VPS9D1: variants seen among roughly 807,000 people sequenced by gnomAD.
VPS9D1 encodes VPS9 domain containing 1, also known as VPS9 domain-containing protein 1.
Under a neutral mutation model 75.8 loss-of-function variants are expected in VPS9D1, and 78 were observed. That is an observed-to-expected ratio of 1.03 (90% CI 0.86 to 1.24). The LOEUF (loss-of-function observed/expected upper bound fraction) is 1.24, where lower values mean the gene tolerates loss of function less well. VPS9D1 is among the 50% of genes most tolerant of loss of function. VPS9D1 has a pLI of 0.00. For missense variants in VPS9D1, 1,057 were observed against 847.7 expected, an observed-to-expected ratio of 1.25 and a Z score of -3.07; for synonymous variants, 481 against 385.6, an observed-to-expected ratio of 1.25 and a Z score of -2.90.
chr16:89,709,654 GGAGCAAACAC>G (rs2060870070), intron 11 of VPS9D1, 113 bp downstream of exon 11: 8 of 1,502,274 alleles, frequency 5.3e-6, no homozygotes, highest in Non-Finnish European at 4.5e-6. Flanking sequence ...CAGGCTAGGG[GGAGCAAACAC>G]GAGTCTTGGG....
intron 4 of VPS9D1, among the ~76,000 whole-genome samples, chr16:89,716,045 C>G (rs2061057999): frequency 1.3e-5 from 2 of 151,976 alleles, no homozygotes; most frequent in Admixed American, 6.5e-5. Context: ...CGCTGTCAGG[C>G]CAGGCGCAGT....
At chr16:89,712,791 T>A (rs1052422294) in intron 4 of VPS9D1, 75 bp from the exon 5 acceptor site, 5 of 1,304,724 alleles carry the variant, frequency 3.8e-6, no homozygotes, top group Non-Finnish European at 5.1e-6. Flanking sequence ...GTCTCTCTCA[T>A]CCTCCCGGAT....
chr16:89,709,328 G>C lies in VPS9D1; in HGVS notation c.1496C>G (p.Pro499Arg). 2 of 1,599,398 alleles carry C rather than the reference G, an allele frequency of 1.3e-6. No homozygotes were observed. The highest frequency in any genetic ancestry group is 2.2e-5 in the East Asian group (1 of 44,802). The change falls in exon 12 of 15, where the codon CCT (proline) becomes CGT (arginine). Residue 499 changes from proline (P) to arginine (R), a missense_variant. Physicochemically the swap from Pro to Arg is moderately radical, Grantham distance 103. Coordinates refer to ENST00000389386, the MANE Select transcript of VPS9D1 (RefSeq NM_004913.3). ...GIPTKLLPQN[P>R]EAKGATGYPY... ...GTAGCCAGTGGCCCCCTTGGCCTCAGGGTTCTGGGGGAGGAGCTTGGTGGG... is the reference window on the plus strand; with the variant it reads ...GTAGCCAGTGGCCCCCTTGGCCTCACGGTTCTGGGGGAGGAGCTTGGTGGG...
intron 4 of VPS9D1, among the ~76,000 whole-genome samples, chr16:89,714,533 G>C (rs1243916915): frequency 6.6e-6 from 1 of 152,200 alleles, no homozygotes; most frequent in Admixed American, 6.5e-5. Flanking sequence ...CCTGACGCCT[G>C]GCCACCCTGC....
intron 4 of VPS9D1, among the ~76,000 whole-genome samples, chr16:89,713,281 G>A (rs1443410469): frequency 6.6e-6 from 1 of 151,428 alleles, no homozygotes; most frequent in African/African-American, 2.4e-5. Context: ...TTGAGACGGA[G>A]TCTCGCTCTG....
chr16:89,712,440 A>T lies in VPS9D1; in HGVS notation c.606+20T>A. The T allele has an allele frequency of 6.2e-7, 1 of 1,612,288 alleles. No individual in the cohort carries two copies. Among genetic ancestry groups the T allele is most frequent in the South Asian group, 1.1e-5 (1 of 91,062 alleles). ...ACTGAGTTTCCCCTCGGGGACCACC[A>T]GGGCGGTCAGAAAGGCTGCTGTCTC... On this transcript the variant is annotated intron_variant, in intron 6 of 14. Transcript: ENST00000389386.
At chr16:89,719,582 G>T (rs2061187830) in intron 1 of VPS9D1, among the ~76,000 whole-genome samples, 1 of 152,198 alleles carries the variant, frequency 6.6e-6, no homozygotes, top group Non-Finnish European at 1.5e-5. Context: ...TCACTTCCCG[G>T]TTTAAGTTCC....
intron 8 of VPS9D1, 73 bp from the exon 9 acceptor site, chr16:89,711,485 T>C (rs2060919043): frequency 7.8e-6 from 11 of 1,418,374 alleles, no homozygotes; most frequent in Non-Finnish European, 1.1e-5. Flanking sequence ...CTCCCACCAG[T>C]GCCGACCCCT....
chr16:89,717,070 C>G (rs2061089363), intron 2 of VPS9D1, among the ~76,000 whole-genome samples: 1 of 111,236 alleles, frequency 9.0e-6, no homozygotes, highest in Non-Finnish European at 1.9e-5. Flanking sequence ...CTAGGCAAGC[C>G]CACTGCCCCC....
chr16:89,712,015 G>C, intron 7 of VPS9D1, 32 bp downstream of exon 7: 1 of 1,549,208 alleles, frequency 6.5e-7, no homozygotes, highest in South Asian at 1.2e-5. Context: ...GGCCCTCCCC[G>C]CAGCGGCCCC....
rs771610159 is a variant in VPS9D1 at position 89,707,881 on chromosome 16, G to A, written c.1876C>T (p.Arg626Trp). The change falls in exon 15 of 15, where the codon CGG (arginine) becomes TGG (tryptophan). Residue 626 changes from arginine to tryptophan, a missense_variant. Transcript: ENST00000389386. Reference protein sequence around the residue: ...SALSYVELLPRGGLAK With the variant: ...SALSYVELLPWGGLAK The stretch of plus-strand genomic sequence containing the variant: ...CTGTACTACTTGGCCAGGCCTCCCC[G>A]GGGCAGCAGCTCCACGTAGCTCAGG... The A allele has an allele frequency of 2.4e-5, 38 of 1,612,978 alleles. No individual in the cohort carries two copies. The highest frequency in any genetic ancestry group is 3.3e-5 in the Admixed American group (2 of 59,982).
intron 2 of VPS9D1, 55 bp from the exon 3 acceptor site, chr16:89,716,877 G>A: frequency 6.7e-7 from 1 of 1,483,554 alleles, no homozygotes; most frequent in Non-Finnish European, 9.0e-7. Flanking sequence ...GTTACTTACT[G>A]CTGAGATAAA....
At chr16:89,719,123 G>C (rs780806889) in intron 1 of VPS9D1, 21 bp from the exon 2 acceptor site, 1 of 1,611,930 alleles carries the variant, frequency 6.2e-7, no homozygotes, top group Non-Finnish European at 8.5e-7. Context: ...GAAAGAGAAA[G>C]AGTGGGGTCA....
chr16:89,712,966 C>T (rs986967335), intron 4 of VPS9D1: 3 of 338,198 alleles, frequency 8.9e-6, no homozygotes, highest in African/African-American at 6.4e-5. Flanking sequence ...GGGCGGATCA[C>T]CTGAGGTCAG....
At position 89,719,010 on chromosome 16, in the gene VPS9D1, G is replaced by A. The variant is rs766832779; in HGVS notation, c.175+17C>T. On this transcript the variant is annotated intron_variant, in intron 2 of 14. Coordinates refer to ENST00000389386, the MANE Select transcript of VPS9D1 (RefSeq NM_004913.3). Reference sequence around the variant, plus strand: ...ATTACAGGCGTGAGCCACCGCGCCCGGCTGGCTGAGCCGTACCTTTAGTGG... The same window carrying A: ...ATTACAGGCGTGAGCCACCGCGCCCAGCTGGCTGAGCCGTACCTTTAGTGG... 1.6e-5 allele frequency: 25 copies of A among 1,609,022 alleles called. No individual in the cohort carries two copies. Among genetic ancestry groups the A allele is most frequent in the East Asian group, 2.2e-5 (1 of 44,834 alleles).
At position 89,707,727 on chromosome 16, in the gene VPS9D1, G is replaced by C. The variant is rs1477159300; in HGVS notation, c.*134C>G. ...AAGAGCTGGAGAGCACACCACAGTG[G>C]ACAAGCCCCCACCATGTGCAGAGCA... On this transcript the variant is annotated 3_prime_UTR_variant, in exon 15 of 15. Transcript: ENST00000389386. 2 of 750,408 alleles carry C rather than the reference G, an allele frequency of 2.7e-6. No homozygotes were observed. Among genetic ancestry groups the C allele is most frequent in the Non-Finnish European group, 4.4e-6 (2 of 451,174 alleles). The allele number at this position is 750,408 out of a possible 1,614,324, so 46.5% of individuals were successfully genotyped here. A position where few individuals can be genotyped will look rare whatever the true frequency, so the allele number is the denominator to read the frequency against.
chr16:89,717,765 T>C, intron 2 of VPS9D1: 1 of 456,672 alleles, frequency 2.2e-6, no homozygotes, highest in Non-Finnish European at 4.4e-6. Flanking sequence ...TCCTCAATCT[T>C]GGAGCGCCAG....
At position 89,712,619 on chromosome 16, in the gene VPS9D1, G is replaced by C. The variant is rs772490070; in HGVS notation, c.529C>G (p.Gln177Glu). The stretch of plus-strand genomic sequence containing the variant: ...CCCCCACTCACCAGGGATGTCTTCT[G>C]CATGGCCTGGCTGGGGTCTAGCCGC... ...MARLDPSQAM[Q>E]KTSLTLSLQR... The change falls in exon 5 of 15, where the codon CAG becomes GAG. Residue 177 changes from glutamine (Q) to glutamate (E), a missense_variant. Gln to Glu is a conservative substitution (Grantham distance 29). Coordinates refer to ENST00000389386, the MANE Select transcript of VPS9D1 (RefSeq NM_004913.3). 2 of 1,609,838 alleles carry C rather than the reference G, an allele frequency of 1.2e-6. No homozygotes were observed. Among genetic ancestry groups the C allele is most frequent in the South Asian group, 1.1e-5 (1 of 90,958 alleles).
rs200129122 is a variant in VPS9D1, at chr16:89,710,700, C to A, written c.1144G>T (p.Asp382Tyr). 6.2e-6 allele frequency: 10 copies of A among 1,608,802 alleles called. No individual in the cohort carries two copies. In the East Asian group the frequency reaches 1.3e-4, roughly 22 times the overall value. The change falls in exon 10 of 15, where the codon GAC becomes TAC. Residue 382 changes from aspartate to tyrosine, a missense_variant. By Grantham distance (160) the Asp-to-Tyr change is radical (BLOSUM62 -3). Transcript: ENST00000389386. ...GLPDKDSSFE[D>Y]LEQFLGTSER... ...GACGTCCCCAGGAACTGCTCCAGGTCCTCGAACGAGCTGTCCTTGTCTGGC... is the reference window on the plus strand; with the variant it reads ...GACGTCCCCAGGAACTGCTCCAGGTACTCGAACGAGCTGTCCTTGTCTGGC...
Sources: allele counts gnomAD v4.1 joint callset (sites outside exome capture counted in the v4.1 genomes callset), GRCh38; gene constraint gnomAD v4.1.1; transcripts MANE v1.5; gene names NCBI Gene and HGNC (gene_info 2026-07-23, HGNC 2026-07-21).